The following RBFOX1 variants were observed in gnomAD, a reference collection of about 807,000 sequenced individuals.
The protein encoded by RBFOX1 is RNA binding protein fox-1 homolog 1.
In RBFOX1, 8 loss-of-function variants were observed where a neutral mutation model predicts 57.7. The observed-to-expected ratio is 0.14, with a 90% CI of 0.08 to 0.25. The LOEUF is 0.25. Ranked by LOEUF, RBFOX1 falls within the 10% of genes least tolerant of loss-of-function variation. RBFOX1 has a pLI of 1.00. For synonymous variants in RBFOX1, 326 were observed against 222.4 expected, an observed-to-expected ratio of 1.47 and a Z score of -4.15; for missense variants, 611 against 548.5, an observed-to-expected ratio of 1.11 and a Z score of -1.14.
At position 6,905,584 on chromosome 16, in the gene RBFOX1, C is replaced by T. The variant is rs746503981; in HGVS notation, c.-15-146473C>T. 4.5e-4 allele frequency among the ~76,000 whole-genome samples: 68 copies of T among 150,536 alleles called. 1 individual carries two copies. Among genetic ancestry groups the T allele is most frequent in the Non-Finnish European group, 9.0e-4 (61 of 67,756 alleles). Reference sequence around the variant, plus strand: ...AAAAAAAAGTGTAGATGTTTGGTTACCCCTTCAAATCATCTAGCTAGTAGG... The same window carrying T: ...AAAAAAAAGTGTAGATGTTTGGTTATCCCTTCAAATCATCTAGCTAGTAGG... On this transcript the variant is annotated intron_variant, in intron 3 of 15. Coordinates refer to ENST00000550418, the MANE Select transcript of RBFOX1 (RefSeq NM_018723.4).
chr16:6,439,890 A>T (rs749774329), intron 2 of RBFOX1, among the ~76,000 whole-genome samples: 3 of 152,036 alleles, frequency 2.0e-5, no homozygotes, highest in Non-Finnish European at 4.4e-5. Flanking sequence ...TATCCTCTTT[A>T]AAATTTCAAT....
intron 3 of RBFOX1, among the ~76,000 whole-genome samples, chr16:5,833,561 T>C (rs1288919586): frequency 6.6e-6 from 1 of 152,080 alleles, no homozygotes; most frequent in Non-Finnish European, 1.5e-5. Context: ...CAGTCCATTT[T>C]TGTACCTTTC....
chr16:5,957,715 G>A (rs1301076037), intron 4 of RBFOX1, among the ~76,000 whole-genome samples: 1 of 151,970 alleles, frequency 6.6e-6, no homozygotes, highest in Admixed American at 6.6e-5. Flanking sequence ...ATATTTGGGG[G>A]GCACATGAGA....
intron 4 of RBFOX1, among the ~76,000 whole-genome samples, chr16:7,267,897 A>T (rs1430680588): frequency 6.6e-6 from 1 of 152,178 alleles, no homozygotes; most frequent in African/African-American, 2.4e-5. Context: ...GGTTTTGTTG[A>T]GTCAGAAGCA....
intron 3 of RBFOX1, among the ~76,000 whole-genome samples, chr16:7,023,881 A>G (rs2040093797): frequency 2.0e-5 from 3 of 152,130 alleles, no homozygotes; most frequent in South Asian, 4.1e-4. Context: ...CACAGGATCA[A>G]AGTATATCGA....
chr16:7,657,372 T>C (rs2066569948), intron 12 of RBFOX1, among the ~76,000 whole-genome samples: 1 of 152,204 alleles, frequency 6.6e-6, no homozygotes, highest in African/African-American at 2.4e-5. Context: ...TGGCACGATC[T>C]CGACTCACTG....
chr16:7,267,300 C>T (rs1475701968), intron 4 of RBFOX1, among the ~76,000 whole-genome samples: 1 of 151,766 alleles, frequency 6.6e-6, no homozygotes, highest in Non-Finnish European at 1.5e-5. Flanking sequence ...TTTCGGAGGC[C>T]AAAGGGGGCG....
At chr16:7,065,167 A>G (rs1053243382) in intron 4 of RBFOX1, among the ~76,000 whole-genome samples, 1 of 152,220 alleles carries the variant, frequency 6.6e-6, no homozygotes, top group African/African-American at 2.4e-5. Flanking sequence ...TGAGCAAGCA[A>G]CTGGTGTTTG....
chr16:5,568,357 C>G (rs896196328), intron 2 of RBFOX1, among the ~76,000 whole-genome samples: 2 of 152,214 alleles, frequency 1.3e-5, no homozygotes, highest in Non-Finnish European at 2.9e-5. Context: ...TGATCCTCCT[C>G]TTCCCTCCTT....
Position 7,622,811 on chromosome 16 carries a change from A to C in RBFOX1, c.677-7792A>C, listed in dbSNP as rs537465938. ...ATTTTTTCTGCAACATCTGTGCCCA[A>C]ATGGAAATATCCCTATACTTAAAAC... On this transcript the variant is annotated intron_variant, in intron 10 of 15. Transcript: ENST00000550418. 2.2e-4 allele frequency among the ~76,000 whole-genome samples: 34 copies of C among 152,286 alleles called. 1 individual carries two copies. Among genetic ancestry groups the C allele is most frequent in the South Asian group, 1.5e-3 (7 of 4,818 alleles).
At chr16:6,747,873 C>T (rs956000374) in intron 3 of RBFOX1, among the ~76,000 whole-genome samples, 3 of 152,260 alleles carry the variant, frequency 2.0e-5, no homozygotes, top group East Asian at 1.9e-4. Context: ...ATAGGCAATC[C>T]ATACCTTATG....
chr16:5,722,194 T>G (rs2151536375), intron 3 of RBFOX1, among the ~76,000 whole-genome samples: 1 of 152,332 alleles, frequency 6.6e-6, no homozygotes, highest in East Asian at 1.9e-4. Context: ...TAGGGTTTGT[T>G]AATTACAGTA....
intron 4 of RBFOX1, among the ~76,000 whole-genome samples, chr16:7,128,009 C>G (rs935301045): frequency 1.1e-4 from 17 of 152,190 alleles, no homozygotes; most frequent in African/African-American, 4.1e-4. Context: ...AAATCTGGTT[C>G]TTTGCTGTTT....
At position 6,091,756 on chromosome 16, in the gene RBFOX1, G is replaced by A. The variant is rs149348308; in HGVS notation, c.-127+71764G>A. 3.2e-4 allele frequency among the ~76,000 whole-genome samples: 48 copies of A among 152,262 alleles called. No homozygotes were observed. In the East Asian group the frequency reaches 7.7e-3, roughly 25 times the overall value. On this transcript the variant is annotated intron_variant, in intron 1 of 15. Coordinates refer to ENST00000550418, the MANE Select transcript of RBFOX1 (RefSeq NM_018723.4). The stretch of plus-strand genomic sequence containing the variant: ...GAGGCTGGGAGAATTGCTTGAACCT[G>A]GGAGTTGGAGGTTGCAGAGAGCCAA...
At chr16:7,626,169 G>T (rs77455263) in intron 10 of RBFOX1, among the ~76,000 whole-genome samples, 1,986 of 152,324 alleles carry the variant, frequency 0.013, 33 homozygotes, top group South Asian at 0.088. Context: ...CTGCACTGCT[G>T]TTCCGGTTTG....
chr16:5,318,466 T>G (rs2064303992), intron 1 of RBFOX1, among the ~76,000 whole-genome samples: 1 of 152,130 alleles, frequency 6.6e-6, no homozygotes, highest in Admixed American at 6.5e-5. Flanking sequence ...ACCCATGAAT[T>G]TGCCTTCTCA....
intron 4 of RBFOX1, among the ~76,000 whole-genome samples, chr16:7,499,458 T>C (rs764231886): frequency 6.6e-6 from 1 of 151,228 alleles, no homozygotes; most frequent in African/African-American, 2.4e-5. Flanking sequence ...GCTGGGACTT[T>C]AGTATTGGAA....
At chr16:7,198,101 G>A (rs539703593) in intron 4 of RBFOX1, among the ~76,000 whole-genome samples, 1 of 145,242 alleles carries the variant, frequency 6.9e-6, no homozygotes, top group Admixed American at 7.1e-5. Flanking sequence ...CACCTCCTGG[G>A]TTCACGCCAT....
chr16:6,445,794 G>T (rs1487821578), intron 2 of RBFOX1, among the ~76,000 whole-genome samples: 1 of 151,994 alleles, frequency 6.6e-6, no homozygotes, highest in Non-Finnish European at 1.5e-5. Context: ...TTTTGGCCAG[G>T]ATGGTCTCGA....
Sources: allele counts gnomAD v4.1 joint callset (sites outside exome capture counted in the v4.1 genomes callset), GRCh38; gene constraint gnomAD v4.1.1; transcripts MANE v1.5; gene names NCBI Gene and HGNC (gene_info 2026-07-23, HGNC 2026-07-21).